Variants in PDE8A observed in about 807,000 individuals in gnomAD.
PDE8A encodes phosphodiesterase 8A.
PDE8A carries 59 observed loss-of-function variants against 105.0 expected under a neutral mutation model. That is an observed-to-expected ratio of 0.56 (90% CI 0.46 to 0.70). The LOEUF is 0.70. Among genes scored for constraint, PDE8A ranks in the 30% least tolerant of loss-of-function variants. The pLI is 0.00. For synonymous variants in PDE8A, 355 were observed against 371.9 expected (o/e 0.95, Z 0.52); for missense variants, 1,014 against 1,045.9 (o/e 0.97, Z 0.42).
intron 9 of PDE8A, 99 bp from the exon 10 acceptor site, chr15:85,099,916 T>C (rs2081830256): frequency 1.1e-6 from 1 of 896,954 alleles, no homozygotes; most frequent in Non-Finnish European, 1.8e-6. Flanking sequence ...GTTTTGTGTA[T>C]TGCAAAAGGG....
At chr15:85,125,867 G>A (rs2082250733) in intron 19 of PDE8A, among the ~76,000 whole-genome samples, 1 of 152,050 alleles carries the variant, frequency 6.6e-6, no homozygotes, top group South Asian at 2.1e-4. Flanking sequence ...TTCTTACCAA[G>A]GGGGAGAGAG....
At chr15:84,991,608 A>G (rs555633797) in intron 1 of PDE8A, among the ~76,000 whole-genome samples, 57 of 152,334 alleles carry the variant, frequency 3.7e-4, no homozygotes, top group Admixed American at 3.2e-3. Context: ...AGAAACTCTT[A>G]TATATCTTTA....
intron 1 of PDE8A, among the ~76,000 whole-genome samples, chr15:84,991,165 A>C (rs2079879544): frequency 6.6e-6 from 1 of 152,250 alleles, no homozygotes; most frequent in African/African-American, 2.4e-5. Context: ...TGATAAATTC[A>C]ACTACGTTAA....
At chr15:85,114,735 G>A (rs1263383208) in intron 14 of PDE8A, among the ~76,000 whole-genome samples, 2 of 152,188 alleles carry the variant, frequency 1.3e-5, no homozygotes, top group Admixed American at 6.5e-5. Flanking sequence ...CAGAAATCTA[G>A]AAGGTAGAGT....
intron 5 of PDE8A, among the ~76,000 whole-genome samples, chr15:85,081,570 TAAGG>T (rs1168978006): frequency 6.6e-6 from 1 of 152,056 alleles, no homozygotes; most frequent in African/African-American, 2.4e-5. Context: ...GGAAGAAGGT[TAAGG>T]GAGAGGAGAC....
chr15:85,053,986 T>C (rs1396039229), intron 1 of PDE8A, among the ~76,000 whole-genome samples: 1 of 152,240 alleles, frequency 6.6e-6, no homozygotes, highest in Non-Finnish European at 1.5e-5. Context: ...TTTTGAGATA[T>C]GTCCCATCAA....
intron 3 of PDE8A, among the ~76,000 whole-genome samples, chr15:85,075,577 A>G (rs949146727): frequency 1.3e-5 from 2 of 152,250 alleles, no homozygotes; most frequent in African/African-American, 2.4e-5. Flanking sequence ...GCCTGAAACA[A>G]TGCAGGTTAA....
chr15:85,119,061 G>A (rs2082139535), intron 17 of PDE8A, among the ~76,000 whole-genome samples: 1 of 152,190 alleles, frequency 6.6e-6, no homozygotes, highest in South Asian at 2.1e-4. Context: ...AGTAACAACA[G>A]AGGGACATCT....
chr15:85,075,408 T>A (rs2141480073), intron 3 of PDE8A, among the ~76,000 whole-genome samples: 1 of 152,380 alleles, frequency 6.6e-6, no homozygotes, highest in Non-Finnish European at 1.5e-5. Flanking sequence ...CTTCATCCTT[T>A]GTGCTCCTTA....
At chr15:85,032,897 T>C (rs1181659588) in intron 1 of PDE8A, among the ~76,000 whole-genome samples, 1 of 152,222 alleles carries the variant, frequency 6.6e-6, no homozygotes, top group Non-Finnish European at 1.5e-5. Context: ...GGAGTGACCA[T>C]GTGTTACTCC....
At chr15:85,071,987 A>C (rs1256948530) in intron 3 of PDE8A, among the ~76,000 whole-genome samples, 1 of 152,196 alleles carries the variant, frequency 6.6e-6, no homozygotes, top group African/African-American at 2.4e-5. Flanking sequence ...AATAAAAGGG[A>C]AGATCTCATA....
chr15:85,029,317 A>G (rs947926354), intron 1 of PDE8A, among the ~76,000 whole-genome samples: 2 of 151,830 alleles, frequency 1.3e-5, no homozygotes, highest in Non-Finnish European at 2.9e-5. Flanking sequence ...AGTGTTGGCT[A>G]CCGTCGGAAA....
chr15:85,057,070 T>G (rs953780601), intron 1 of PDE8A, among the ~76,000 whole-genome samples: 12 of 152,178 alleles, frequency 7.9e-5, no homozygotes, highest in Non-Finnish European at 1.2e-4. Context: ...TGTTGGAGTT[T>G]GCTGGAGGTC....
At chr15:85,132,415 C>T (rs2082342185) in intron 20 of PDE8A, among the ~76,000 whole-genome samples, 1 of 152,016 alleles carries the variant, frequency 6.6e-6, no homozygotes, top group Non-Finnish European at 1.5e-5. Flanking sequence ...TTCTGTCTGC[C>T]CATATCTGAT....
At position 85,123,178 on chromosome 15, in the gene PDE8A, A is replaced by G; in HGVS notation, c.2070A>G (p.Thr690=). 6.2e-7 allele frequency: 1 copy of G among 1,614,078 alleles called. No individual in the cohort carries two copies. The highest frequency in any genetic ancestry group is 8.5e-7 in the Non-Finnish European group (1 of 1,179,974). ...FVNSINKPLA[T]LEENGETDKN... The stretch of plus-strand genomic sequence containing the variant: ...ACAGCATCAACAAACCCTTGGCAAC[A>G]CTAGAAGAAAATGGGGTAAGGGAAA... The change falls in exon 19 of 22, where the codon ACA becomes ACG. Residue 690 remains threonine (T), a synonymous_variant. Coordinates refer to ENST00000394553, the MANE Select transcript of PDE8A (RefSeq NM_002605.3).
intron 8 of PDE8A, among the ~76,000 whole-genome samples, chr15:85,095,622 G>A (rs1018616289): frequency 6.6e-6 from 1 of 152,074 alleles, no homozygotes; most frequent in African/African-American, 2.4e-5. Flanking sequence ...GGGATTACAG[G>A]CGTGAGCCAC....
chr15:85,115,710 A>G, intron 15 of PDE8A: 1 of 544,054 alleles, frequency 1.8e-6, no homozygotes, highest in South Asian at 2.5e-5. Flanking sequence ...TCACAAGGTC[A>G]GGAGTTCAAG....
In PDE8A at chr15:84,982,207, C is replaced by A. The variant is rs749839529; in HGVS notation, c.45C>A (p.Ala15=). 2 of 1,484,394 alleles carry A rather than the reference C, an allele frequency of 1.3e-6. No homozygotes were observed. Among genetic ancestry groups the A allele is most frequent in the Admixed American group, 4.6e-5 (2 of 43,616 alleles). 92.0% of individuals were successfully genotyped at this position (1,484,394 alleles called of 1,614,324 possible). The change falls in exon 1 of 22, where the codon GCC becomes GCA. Residue 15 remains alanine (A), a synonymous_variant. Transcript: ENST00000394553. ...PSIHISERLV[A]EDAPSPAAPP... ...TCCACATTTCCGAGCGCCTGGTGGC[C>A]GAGGACGCGCCTAGCCCCGCGGCAC...
intron 1 of PDE8A, among the ~76,000 whole-genome samples, chr15:85,044,090 C>A (rs1791240207): frequency 6.6e-6 from 1 of 152,176 alleles, no homozygotes; most frequent in South Asian, 2.1e-4. Flanking sequence ...AATTTCATAG[C>A]AAAAGCTTCT....
Sources: allele counts gnomAD v4.1 joint callset (sites outside exome capture counted in the v4.1 genomes callset), GRCh38; gene constraint gnomAD v4.1.1; transcripts MANE v1.5; gene names NCBI Gene and HGNC (gene_info 2026-07-23, HGNC 2026-07-21).